Variants in GRIK5 observed in about 807,000 individuals in gnomAD.
GRIK5 encodes glutamate receptor ionotropic, kainate 5.
In GRIK5, 43 loss-of-function variants were observed where a neutral mutation model predicts 97.4. That is an observed-to-expected ratio of 0.44 (90% CI 0.35 to 0.57). The LOEUF (loss-of-function observed/expected upper bound fraction) is 0.57. Among genes scored for constraint, GRIK5 ranks in the 20% least tolerant of loss-of-function variants. GRIK5 has a pLI of 0.01. For missense variants in GRIK5, 1,015 were observed against 1,382.0 expected (o/e 0.73, Z 4.21); for synonymous variants, 580 against 583.5 (o/e 0.99, Z 0.09).
In GRIK5 at chr19:42,062,785, G is replaced by A. The variant is rs370561682; in HGVS notation, c.315C>T (p.Thr105=). 5.5e-5 allele frequency: 88 copies of A among 1,613,546 alleles called. 1 individual carries two copies. The highest frequency in any genetic ancestry group is 4.9e-4 in the Middle Eastern group (3 of 6,084). Residue 105 remains threonine (T), a synonymous_variant, in exon 4 of 20, where the codon ACC becomes ACT. Coordinates refer to ENST00000593562, the MANE Select transcript of GRIK5 (RefSeq NM_002088.5). The surrounding 1 kb of genome is among the most constrained non-coding windows in gnomAD (Gnocchi z 5.3). Reference sequence around the variant, plus strand: ...CCTTCTCTCCACAGATATGGCTCACGGTGGAGGCAGATGCTGGGCTAGAGG... The same window carrying A: ...CCTTCTCTCCACAGATATGGCTCACAGTGGAGGCAGATGCTGGGCTAGAGG... ...GPSSSPASAS[T]VSHICGEKEI... is the part of the protein sequence containing the mutation.
rs952440387 is a variant in GRIK5 at position 42,002,884 on chromosome 19, C to T, written c.2514+448G>A. 7.9e-5 allele frequency among the ~76,000 whole-genome samples: 12 copies of T among 152,070 alleles called. No individual in the cohort carries two copies. Among genetic ancestry groups the T allele is most frequent in the Non-Finnish European group, 1.5e-4 (10 of 68,004 alleles). ...CCGAGTAGCTGGGATTACAGGTGTG[C>T]ACCACCATGCCCGGCTAATTTTTGT... On this transcript the variant is annotated intron_variant, in intron 19 of 19. Coordinates refer to ENST00000593562, the MANE Select transcript of GRIK5 (RefSeq NM_002088.5). This position sits in a 1 kb window ranked among gnomAD's most constrained non-coding sequence, Gnocchi z 5.2.
At chr19:42,026,142 C>A (rs184937193) in intron 12 of GRIK5, among the ~76,000 whole-genome samples, 103 of 152,090 alleles carry the variant, frequency 6.8e-4, no homozygotes, top group African/African-American at 2.4e-3. Flanking sequence ...CGAGCCACTA[C>A]GCCTGACTAA....
At chr19:42,047,853 C>T (rs2146122286) in intron 11 of GRIK5, among the ~76,000 whole-genome samples, 1 of 151,584 alleles carries the variant, frequency 6.6e-6, no homozygotes, top group Admixed American at 6.6e-5. Flanking sequence ...CGCCTGTAAT[C>T]CCAGCTACTG....
intron 15 of GRIK5, among the ~76,000 whole-genome samples, chr19:42,012,983 A>G (rs1351557104): frequency 1.3e-5 from 2 of 152,220 alleles, no homozygotes; most frequent in African/African-American, 4.8e-5. Flanking sequence ...CATTTAATGT[A>G]TCATCTACAA....
chr19:42,053,685 T>G lies in GRIK5; in HGVS notation c.1186A>C (p.Thr396Pro), dbSNP rs764972104. The G allele has an allele frequency of 6.2e-7, 1 of 1,612,602 alleles. No individual in the cohort carries two copies. The highest frequency in any genetic ancestry group is 8.5e-7 in the Non-Finnish European group (1 of 1,178,720). ...AGGGTGGTGGCATTCATGGCCAGGG[T>G]GCGGTTAGAGTACCACACCCCAATC... ...REIGVWYSNRTLAMNATTLDI... is the reference protein window; with the variant it reads ...REIGVWYSNRPLAMNATTLDI... Residue 396 changes from threonine to proline, a missense_variant, in exon 11 of 20, where the codon ACC becomes CCC. Transcript: ENST00000593562.
In GRIK5 at chr19:42,002,241, C is replaced by G; in HGVS notation, c.2514+1091G>C. 1 of 717,562 alleles carries G rather than the reference C, an allele frequency of 1.4e-6. No homozygotes were observed. The highest frequency in any genetic ancestry group is 2.6e-6 in the Non-Finnish European group (1 of 385,116). 44.4% of individuals were successfully genotyped at this position (717,562 alleles called of 1,614,324 possible). On this transcript the variant is annotated intron_variant, in intron 19 of 19. Transcript: ENST00000593562. This position sits in a 1 kb window ranked among gnomAD's most constrained non-coding sequence, Gnocchi z 5.2. Reference sequence around the variant, plus strand: ...AACTGGAAGCATCAGGGAGACCCCCCACTGCTGCCAAGGCTGTAAAGAGAA... The same window carrying G: ...AACTGGAAGCATCAGGGAGACCCCCGACTGCTGCCAAGGCTGTAAAGAGAA...
rs368332219 is a variant in GRIK5 at position 42,065,203 on chromosome 19, G to A, written c.244+20C>T. 1.0e-5 allele frequency: 16 copies of A among 1,596,064 alleles called. No homozygotes were observed. Among genetic ancestry groups the A allele is most frequent in the Middle Eastern group, 1.7e-4 (1 of 5,910 alleles). The stretch of plus-strand genomic sequence containing the variant: ...ACCGACCTGCCCTGCCTCACCCCAC[G>A]CCCCCATGGCCCCGCTCACTGGTGT... On this transcript the variant is annotated intron_variant, in intron 3 of 19. Transcript: ENST00000593562. This position sits in a 1 kb window ranked among gnomAD's most constrained non-coding sequence, Gnocchi z 5.8.
rs2075987055 is a variant in GRIK5, at chr19:42,042,349, C to T, written c.1473+203G>A. On this transcript the variant is annotated intron_variant, in intron 12 of 19. Transcript: ENST00000593562. This position sits in a 1 kb window ranked among gnomAD's most constrained non-coding sequence, Gnocchi z 6.9. ...ACAGGTGGTGATGCATGTACCACCTCTCCTCCTCTGTCCCATCCCACAGCA... is the reference window on the plus strand; with the variant it reads ...ACAGGTGGTGATGCATGTACCACCTTTCCTCCTCTGTCCCATCCCACAGCA... Among the ~76,000 whole-genome samples the T allele has an allele frequency of 6.6e-6, 1 of 152,226 alleles. No homozygotes were observed. Among genetic ancestry groups the T allele is most frequent in the Non-Finnish European group, 1.5e-5 (1 of 68,046 alleles).
rs759529042 is a variant in GRIK5, at chr19:42,053,815, G to A, written c.1161+10C>T. On this transcript the variant is annotated intron_variant, in intron 10 of 19. Transcript: ENST00000593562. ...CAGCAGGGCTCTGGCGTCACCCTGG[G>A]TCTGCTCACCTCACGGTGGCCCTGC... The A allele has an allele frequency of 4.4e-6, 7 of 1,600,732 alleles. No individual in the cohort carries two copies. Among genetic ancestry groups the A allele is most frequent in the East Asian group, 2.2e-5 (1 of 44,812 alleles).
Position 42,021,286 on chromosome 19 carries a change from T to A in GRIK5, c.1871+15A>T, listed in dbSNP as rs1398300613. 2 of 1,607,744 alleles carry A rather than the reference T, an allele frequency of 1.2e-6. No homozygotes were observed. Among genetic ancestry groups the A allele is most frequent in the Non-Finnish European group, 1.7e-6 (2 of 1,177,662 alleles). On this transcript the variant is annotated intron_variant, in intron 15 of 19. Transcript: ENST00000593562. This position sits in a 1 kb window ranked among gnomAD's most constrained non-coding sequence, Gnocchi z 4.2. ...CTCCCTCGCCCCGGGCAGAGGCAGATAGAAAGCTTCTCACCAGACTCCGCT... is the reference window on the plus strand; with the variant it reads ...CTCCCTCGCCCCGGGCAGAGGCAGAAAGAAAGCTTCTCACCAGACTCCGCT...
chr19:42,069,055 A>C (rs2076384998), intron 1 of GRIK5, 186 bp downstream of exon 1: 1 of 461,574 alleles, frequency 2.2e-6, no homozygotes, highest in South Asian at 4.0e-5. Flanking sequence ...CCAGAAGAAG[A>C]GGTGAGAAGA....
At chr19:42,020,227 G>A (rs140298928) in intron 15 of GRIK5, among the ~76,000 whole-genome samples, 38 of 152,206 alleles carry the variant, frequency 2.5e-4, no homozygotes, top group African/African-American at 8.9e-4. Context: ...GTTCTACTTA[G>A]TTAGGAGAAG....
chr19:42,008,285 G>A (rs1307233315), intron 15 of GRIK5, among the ~76,000 whole-genome samples: 1 of 152,052 alleles, frequency 6.6e-6, no homozygotes, highest in Non-Finnish European at 1.5e-5. Flanking sequence ...CCAAGGTGCT[G>A]GGATTACAGG....
chr19:42,006,821 G>A lies in GRIK5; in HGVS notation c.1872-11C>T. Reference sequence around the variant, plus strand: ...AAGGTGAAGGCCCACCTGAAGGGTGGGAGGGGTGAGTCACGGGCTGGAGTC... The same window carrying A: ...AAGGTGAAGGCCCACCTGAAGGGTGAGAGGGGTGAGTCACGGGCTGGAGTC... On this transcript the variant is annotated splice_polypyrimidine_tract_variant and intron_variant, in intron 15 of 19. Transcript: ENST00000593562. The surrounding 1 kb of genome is among the most constrained non-coding windows in gnomAD (Gnocchi z 5.3). 6.3e-7 allele frequency: 1 copy of A among 1,584,006 alleles called. No individual in the cohort carries two copies. The highest frequency in any genetic ancestry group is 1.1e-5 in the South Asian group (1 of 87,626).
chr19:42,051,347 G>A (rs777283387), intron 11 of GRIK5, among the ~76,000 whole-genome samples: 2 of 152,068 alleles, frequency 1.3e-5, no homozygotes, highest in Non-Finnish European at 2.9e-5. Context: ...GCGCCAGCCT[G>A]CACCCCATCA....
In GRIK5 at chr19:42,053,582, C is replaced by T; in HGVS notation, c.1269+20G>A. On this transcript the variant is annotated intron_variant, in intron 11 of 19. Coordinates refer to ENST00000593562, the MANE Select transcript of GRIK5 (RefSeq NM_002088.5). ...GCTCAGGGCAGCGCCACTCCCAGGC[C>T]CCCATCTAGGGCCACTCACCAGGAT... is the stretch of plus-strand genomic sequence containing the variant. 1.4e-6 allele frequency: 2 copies of T among 1,437,280 alleles called. No individual in the cohort carries two copies. The highest frequency in any genetic ancestry group is 4.5e-5 in the East Asian group (2 of 44,096). 89.0% of individuals were successfully genotyped at this position (1,437,280 alleles called of 1,614,324 possible). A position where few individuals can be genotyped will look rare whatever the true frequency, so the allele number is the denominator to read the frequency against.
chr19:42,066,181 C>T (rs886152431), intron 1 of GRIK5, among the ~76,000 whole-genome samples: 2 of 152,020 alleles, frequency 1.3e-5, no homozygotes, highest in South Asian at 2.1e-4. Flanking sequence ...GAAGTGCCAC[C>T]CCCCACCCAG....
At position 42,069,958 on chromosome 19, in the gene GRIK5, T is replaced by G. The variant is rs993471521; in HGVS notation, c.-768A>C. Among the ~76,000 whole-genome samples the G allele has an allele frequency of 6.8e-6, 1 of 147,418 alleles. No individual in the cohort carries two copies. The highest frequency in any genetic ancestry group is 1.5e-5 in the Non-Finnish European group (1 of 66,432). On this transcript the variant is annotated 5_prime_UTR_variant, in exon 1 of 20. Transcript: ENST00000593562. ...GAGATAGGGAGGAGGGAGAGGAGGA[T>G]GGAGAGGAGCAGGTGGAAGAGAAAG...
At chr19:42,005,290 G>C (rs887911917) in intron 17 of GRIK5, among the ~76,000 whole-genome samples, 1 of 146,436 alleles carries the variant, frequency 6.8e-6, no homozygotes, top group Non-Finnish European at 1.5e-5. Flanking sequence ...AATATAAATA[G>C]GCACATACAA....
Sources: gnomAD v4.1 joint callset for allele counts (sites outside exome capture counted in the v4.1 genomes callset) on GRCh38, gnomAD v4.1.1 for gene constraint, Gnocchi (gnomAD v3.1) non-coding constraint, MANE v1.5 for transcripts, NCBI Gene and HGNC (gene_info 2026-07-23, HGNC 2026-07-21) for gene names.